The following MLPH variants were observed in gnomAD, a reference collection of about 807,000 sequenced individuals.
The protein encoded by MLPH is melanophilin.
A neutral mutation model predicts 72.1 loss-of-function variants in MLPH; 51 were observed. The ratio of observed to expected loss-of-function variants is 0.71; its 90% CI spans 0.56 to 0.89. The LOEUF (loss-of-function observed/expected upper bound fraction) is 0.89, where lower values mean the gene tolerates loss of function less well. Ranked by LOEUF, MLPH falls within the 40% of genes least tolerant of loss-of-function variation. MLPH has a pLI of 0.00. For synonymous variants in MLPH, 301 were observed against 310.1 expected (o/e 0.97, Z 0.31); for missense variants, 743 against 759.9 (o/e 0.98, Z 0.26).
At chr2:237,496,375 G>A (rs961738951) in intron 2 of MLPH, among the ~76,000 whole-genome samples, 7 of 152,122 alleles carry the variant, frequency 4.6e-5, no homozygotes, top group Admixed American at 2.6e-4. Flanking sequence ...TATCTGAAGC[G>A]GGTTTAGCAG....
At chr2:237,539,146 G>A (rs1477708062) in intron 9 of MLPH, among the ~76,000 whole-genome samples, 1 of 152,184 alleles carries the variant, frequency 6.6e-6, no homozygotes, top group Non-Finnish European at 1.5e-5. Context: ...TACTATGGGG[G>A]GGCGGGGAGG....
At chr2:237,515,644 G>A (rs1485231421) in intron 4 of MLPH, among the ~76,000 whole-genome samples, 1 of 152,162 alleles carries the variant, frequency 6.6e-6, no homozygotes, top group African/African-American at 2.4e-5. Flanking sequence ...ATAACTGCAG[G>A]AGTGCCTGCA....
At chr2:237,552,639 C>T (rs1053125495) in intron 15 of MLPH, among the ~76,000 whole-genome samples, 1 of 152,214 alleles carries the variant, frequency 6.6e-6, no homozygotes, top group Non-Finnish European at 1.5e-5. Flanking sequence ...AGAATAATAT[C>T]TTGTGTTTTA....
At chr2:237,496,709 G>A (rs1025801464) in intron 2 of MLPH, among the ~76,000 whole-genome samples, 1 of 150,300 alleles carries the variant, frequency 6.7e-6, no homozygotes, top group Admixed American at 6.6e-5. Context: ...AGTCTGCTAT[G>A]TGATTAGGGG....
chr2:237,498,605 C>T (rs530647504), intron 2 of MLPH, among the ~76,000 whole-genome samples: 17 of 152,312 alleles, frequency 1.1e-4, no homozygotes, highest in Admixed American at 9.8e-4. Flanking sequence ...GTGACGCACA[C>T]GCCTGACAAG....
At chr2:237,491,310 A>T (rs887348572) in intron 1 of MLPH, among the ~76,000 whole-genome samples, 2 of 152,224 alleles carry the variant, frequency 1.3e-5, no homozygotes, top group Non-Finnish European at 2.9e-5. Flanking sequence ...CAAGTCCTCA[A>T]GGAAAACTTA....
At chr2:237,539,117 T>C (rs1217788594) in intron 9 of MLPH, among the ~76,000 whole-genome samples, 1 of 151,120 alleles carries the variant, frequency 6.6e-6, no homozygotes, top group Non-Finnish European at 1.5e-5. Flanking sequence ...TCCCAGGCCA[T>C]GGTCCAGGCT....
intron 14 of MLPH, 138 bp from the exon 15 acceptor site, chr2:237,552,199 A>C: frequency 3.0e-6 from 2 of 673,580 alleles, no homozygotes; most frequent in South Asian, 1.7e-5. Flanking sequence ...TTTTTAAAAA[A>C]TATGTGATGT....
chr2:237,547,845 T>G (rs1247440729), intron 13 of MLPH, among the ~76,000 whole-genome samples: 40 of 109,048 alleles, frequency 3.7e-4, no homozygotes, highest in Middle Eastern at 0.016. Flanking sequence ...TGGGAGGGAG[T>G]TGCTCCCCGT....
Position 237,518,534 on chromosome 2 carries a change from T to C in MLPH, c.446-5T>C. 1 of 1,610,570 alleles carries C rather than the reference T, an allele frequency of 6.2e-7. No homozygotes were observed. Among genetic ancestry groups the C allele is most frequent in the Non-Finnish European group, 8.5e-7 (1 of 1,178,120 alleles). On this transcript the variant is annotated splice_polypyrimidine_tract_variant and splice_region_variant and intron_variant, in intron 4 of 15. Transcript: ENST00000264605. Reference sequence around the variant, plus strand: ...TGGGTGGAGTCATGCAGGTATCTATTGCAGCTGGGCCTGAACTGATATCTG... The same window carrying C: ...TGGGTGGAGTCATGCAGGTATCTATCGCAGCTGGGCCTGAACTGATATCTG...
In MLPH at chr2:237,546,589, T is replaced by G. The variant is rs1329084653; in HGVS notation, c.1540-17T>G. The stretch of plus-strand genomic sequence containing the variant: ...TGGAGGTTCAACAATAACATAAGTC[T>G]CTTCTTTGCCCTCCAGATATTTCTC... On this transcript the variant is annotated splice_polypyrimidine_tract_variant and intron_variant, in intron 12 of 15. Transcript: ENST00000264605. The G allele has an allele frequency of 8.1e-6, 13 of 1,612,816 alleles. No homozygotes were observed. The highest frequency in any genetic ancestry group is 1.1e-5 in the Non-Finnish European group (13 of 1,178,842).
intron 8 of MLPH, among the ~76,000 whole-genome samples, chr2:237,533,380 A>ATTTTC (rs2080462411): frequency 3.1e-4 from 35 of 114,512 alleles, no homozygotes; most frequent in South Asian, 5.4e-4. Context: ...TCTCTTCTCT[A>ATTTTC]TTTTCTTTTC....
intron 6 of MLPH, among the ~76,000 whole-genome samples, chr2:237,522,860 C>T (rs2080220030): frequency 6.6e-6 from 1 of 152,150 alleles, no homozygotes; most frequent in Non-Finnish European, 1.5e-5. Context: ...TAAAATAAAG[C>T]CAATATCACC....
chr2:237,523,426 C>T (rs1456285258), intron 6 of MLPH, among the ~76,000 whole-genome samples: 2 of 152,136 alleles, frequency 1.3e-5, no homozygotes, highest in South Asian at 2.1e-4. Flanking sequence ...CCAAGACCAA[C>T]GGTAACTCTA....
At position 237,525,585 on chromosome 2, in the gene MLPH, A is replaced by C. The variant is rs368254445; in HGVS notation, c.676-16A>C. The C allele has an allele frequency of 1.2e-6, 2 of 1,613,824 alleles. No individual in the cohort carries two copies. Among genetic ancestry groups the C allele is most frequent in the South Asian group, 2.2e-5 (2 of 91,062 alleles). On this transcript the variant is annotated splice_polypyrimidine_tract_variant and intron_variant, in intron 6 of 15. Transcript: ENST00000264605. The stretch of plus-strand genomic sequence containing the variant: ...AGTAAACCCTGCAGAGGAGGCTGAC[A>C]GCCCCATGTGCTTAGTCCCTCACAG...
rs1005430495 is a variant in MLPH at position 237,512,437 on chromosome 2, G to C, written c.445+1336G>C. Among the ~76,000 whole-genome samples the C allele has an allele frequency of 6.6e-6, 1 of 152,160 alleles. No homozygotes were observed. Among genetic ancestry groups the C allele is most frequent in the Non-Finnish European group, 1.5e-5 (1 of 68,026 alleles). ...CTTTTTGGGTGGTGGGGTGGGGATG[G>C]GGGCAGGTATGATCAATCATCCAAA... On this transcript the variant is annotated intron_variant, in intron 4 of 15. Transcript: ENST00000264605. This position sits in a 1 kb window ranked among gnomAD's most constrained non-coding sequence, Gnocchi z 5.5.
At chr2:237,535,100 A>G (rs1163000220) in intron 9 of MLPH, among the ~76,000 whole-genome samples, 4 of 152,160 alleles carry the variant, frequency 2.6e-5, no homozygotes, top group African/African-American at 7.2e-5. Context: ...ATGAGCAGAA[A>G]TGTATTTGGC....
intron 4 of MLPH, among the ~76,000 whole-genome samples, chr2:237,516,666 A>G (rs1312263233): frequency 1.3e-5 from 2 of 152,220 alleles, no homozygotes; most frequent in East Asian, 3.8e-4. Context: ...CGGTTTTTAT[A>G]CTGTAATTCA....
intron 6 of MLPH, among the ~76,000 whole-genome samples, 182 bp downstream of exon 6, chr2:237,520,211 C>T (rs1387535472): frequency 6.6e-6 from 1 of 152,192 alleles, no homozygotes; most frequent in Non-Finnish European, 1.5e-5. Flanking sequence ...AGACCTCACA[C>T]TCCCCCAGGA....
Sources: allele counts gnomAD v4.1 joint callset (sites outside exome capture counted in the v4.1 genomes callset), GRCh38; gene constraint gnomAD v4.1.1; non-coding constraint Gnocchi (gnomAD v3.1); transcripts MANE v1.5; gene names NCBI Gene and HGNC (gene_info 2026-07-23, HGNC 2026-07-21).